Variants in CD247 observed in about 807,000 individuals in gnomAD.
CD247 encodes T-cell surface glycoprotein CD3 zeta chain.
A neutral mutation model predicts 30.0 loss-of-function variants in CD247; 13 were observed. The ratio of observed to expected loss-of-function variants is 0.43; its 90% CI spans 0.28 to 0.69. The LOEUF is 0.69. Ranked by LOEUF, CD247 falls within the 30% of genes least tolerant of loss-of-function variation. CD247 has a pLI of 0.16. For missense variants in CD247, 193 were observed against 212.6 expected, an observed-to-expected ratio of 0.91 and a Z score of 0.57; for synonymous variants, 72 against 80.0, an observed-to-expected ratio of 0.90 and a Z score of 0.53.
chr1:167,475,089 A>AACCCT (rs1308215858), intron 1 of CD247, among the ~76,000 whole-genome samples: 1 of 152,052 alleles, frequency 6.6e-6, no homozygotes, highest in East Asian at 1.9e-4. Flanking sequence ...CATTTATCAC[A>AACCCT]ACCCTAAAAC....
At chr1:167,510,755 G>C (rs542181230) in intron 1 of CD247, among the ~76,000 whole-genome samples, 2 of 152,156 alleles carry the variant, frequency 1.3e-5, no homozygotes, top group Admixed American at 6.5e-5. Flanking sequence ...CAGCAAAAGA[G>C]GGGGGTAGGG....
At chr1:167,515,915 A>G (rs1001520178) in intron 1 of CD247, among the ~76,000 whole-genome samples, 2 of 152,270 alleles carry the variant, frequency 1.3e-5, no homozygotes, top group East Asian at 3.8e-4. Context: ...TATTGGACAC[A>G]TTACATTACT....
intron 1 of CD247, among the ~76,000 whole-genome samples, chr1:167,472,371 A>G (rs1345403428): frequency 6.6e-6 from 1 of 152,242 alleles, no homozygotes. Context: ...AAACGCTCAC[A>G]ATAAAAAAAT....
rs561262982 is a variant in CD247 at position 167,431,713 on chromosome 1, C to T, written c.463G>A (p.Ala155Thr). 49 of 1,614,128 alleles carry T rather than the reference C, an allele frequency of 3.0e-5. No homozygotes were observed. Among genetic ancestry groups the T allele is most frequent in the African/African-American group, 6.7e-5 (5 of 75,022 alleles). The change falls in exon 8 of 8, where the codon GCC becomes ACC. Residue 155 changes from alanine to threonine, a missense_variant. By Grantham distance (58) the Ala-to-Thr change is moderately conservative (BLOSUM62 0). Coordinates refer to ENST00000362089, the MANE Select transcript of CD247 (RefSeq NM_198053.3). Reference sequence around the variant, plus strand: ...GGGGGCAGGGCCTGCATGTGAAGGGCGTCGTAGGTGTCCTTGGTGGCTGTA... The same window carrying T: ...GGGGGCAGGGCCTGCATGTGAAGGGTGTCGTAGGTGTCCTTGGTGGCTGTA... Reference protein sequence around the residue: ...LSTATKDTYDALHMQALPPR With the variant: ...LSTATKDTYDTLHMQALPPR
chr1:167,501,628 A>T (rs1654912310), intron 1 of CD247, among the ~76,000 whole-genome samples: 1 of 152,234 alleles, frequency 6.6e-6, no homozygotes, highest in African/African-American at 2.4e-5. Flanking sequence ...TCTTTCAAGG[A>T]GAACGTATTT....
Position 167,518,495 on chromosome 1 carries a change from A to G in CD247, c.-30T>C, listed in dbSNP as rs762034948. On this transcript the variant is annotated 5_prime_UTR_variant, in exon 1 of 8. Coordinates refer to ENST00000362089, the MANE Select transcript of CD247 (RefSeq NM_198053.3). ...TCCTTTCCCTCAGAAAGAGGCTGGG[A>G]GGCAGAGGCTGAGGCAGCGGTGGCC... 4 of 1,608,884 alleles carry G rather than the reference A, an allele frequency of 2.5e-6. No homozygotes were observed. The Admixed American group carries it at 6.7e-5, about 27-fold the overall frequency.
chr1:167,472,647 G>A (rs1322307971), intron 1 of CD247, among the ~76,000 whole-genome samples: 1 of 152,136 alleles, frequency 6.6e-6, no homozygotes, highest in Non-Finnish European at 1.5e-5. Flanking sequence ...GCTGGCTGTT[G>A]AAGTCAGGTC....
intron 2 of CD247, 26 bp downstream of exon 2, chr1:167,440,638 T>C (rs1651783464): frequency 1.3e-6 from 2 of 1,525,194 alleles, no homozygotes; most frequent in South Asian, 2.2e-5. Flanking sequence ...CCCCGTGCCC[T>C]CCTCCCAAAG....
At chr1:167,438,349 G>C (rs1651644236) in intron 4 of CD247, among the ~76,000 whole-genome samples, 1 of 152,202 alleles carries the variant, frequency 6.6e-6, no homozygotes, top group African/African-American at 2.4e-5. Context: ...GAGCAGTGGG[G>C]TGCCACGTCC....
At chr1:167,481,463 T>C (rs1653970643) in intron 1 of CD247, among the ~76,000 whole-genome samples, 1 of 152,130 alleles carries the variant, frequency 6.6e-6, no homozygotes, top group Non-Finnish European at 1.5e-5. Flanking sequence ...GGGGAGAAAG[T>C]TGGGAGCAGA....
intron 1 of CD247, among the ~76,000 whole-genome samples, chr1:167,462,308 G>A (rs1653057634): frequency 6.6e-6 from 1 of 152,186 alleles, no homozygotes; most frequent in African/African-American, 2.4e-5. Flanking sequence ...ATGTCACTGG[G>A]GCCCTGTGAC....
intron 1 of CD247, among the ~76,000 whole-genome samples, chr1:167,480,200 G>A (rs1346206503): frequency 1.3e-5 from 2 of 152,202 alleles, no homozygotes; most frequent in East Asian, 3.8e-4. Context: ...TGGAGAGAAA[G>A]AAACAGTTTT....
At chr1:167,437,570 G>T (rs1253478608) in intron 4 of CD247, among the ~76,000 whole-genome samples, 1 of 152,154 alleles carries the variant, frequency 6.6e-6, no homozygotes, top group East Asian at 1.9e-4. Context: ...CTCTAACATG[G>T]ATGGAACTAG....
At chr1:167,438,433 A>C in intron 4 of CD247, 137 bp downstream of exon 4, 1 of 771,366 alleles carries the variant, frequency 1.3e-6, no homozygotes, top group Non-Finnish European at 2.4e-6. Flanking sequence ...GTGGGTCTCC[A>C]TCTCTTCTCT....
At chr1:167,468,497 TCCAGACACAGAGAGA>T (rs1653367510) in intron 1 of CD247, among the ~76,000 whole-genome samples, 1 of 152,106 alleles carries the variant, frequency 6.6e-6, no homozygotes, top group East Asian at 1.9e-4. Context: ...AAACACCTCT[TCCAGACACAGAGAGA>T]CCATCAATCA....
intron 1 of CD247, among the ~76,000 whole-genome samples, chr1:167,504,807 C>A (rs553327376): frequency 2.0e-5 from 3 of 152,338 alleles, no homozygotes; most frequent in East Asian, 1.9e-4. Flanking sequence ...AAAAGGAAAC[C>A]CTTCTAAAAC....
Position 167,492,850 on chromosome 1 carries a change from T to A in CD247, c.58+25558A>T, listed in dbSNP as rs566127949. On this transcript the variant is annotated intron_variant, in intron 1 of 7. Coordinates refer to ENST00000362089, the MANE Select transcript of CD247 (RefSeq NM_198053.3). ...ACATGCCCCACAGTTATAAAAGGCA[T>A]CATTCCAGGAGCTATCATGGCGTCT... Among the ~76,000 whole-genome samples, 6 of 152,148 alleles carry A rather than the reference T, an allele frequency of 3.9e-5. No homozygotes were observed. The South Asian group carries it at 1.2e-3, about 32-fold the overall frequency.
chr1:167,500,795 G>A (rs753894243), intron 1 of CD247, among the ~76,000 whole-genome samples: 3 of 152,190 alleles, frequency 2.0e-5, no homozygotes, highest in Non-Finnish European at 4.4e-5. Flanking sequence ...TAGTAAGAGG[G>A]TTATCGGCCT....
intron 1 of CD247, chr1:167,457,826 C>T (rs989229266): frequency 9.2e-5 from 14 of 152,166 alleles, no homozygotes; most frequent in South Asian, 6.2e-4. Context: ...AGGTAAACAC[C>T]GTGATTTCTA....
Sources: allele counts gnomAD v4.1 joint callset (sites outside exome capture counted in the v4.1 genomes callset), GRCh38; gene constraint gnomAD v4.1.1; transcripts MANE v1.5; gene names NCBI Gene and HGNC (gene_info 2026-07-23, HGNC 2026-07-21).